SGPL1: variants seen among roughly 807,000 people sequenced by gnomAD.
The protein encoded by SGPL1 is sphingosine-1-phosphate lyase 1, also known as SP-lyase 1.
In SGPL1, 37 loss-of-function variants were observed where a neutral mutation model predicts 68.9. The observed-to-expected ratio is 0.54, with a 90% CI of 0.41 to 0.71. SGPL1 has a LOEUF of 0.71. SGPL1 is among the 30% of genes least tolerant of loss of function. The pLI is 0.00. For missense variants in SGPL1, 551 were observed against 704.6 expected (o/e 0.78, Z 2.47); for synonymous variants, 236 against 248.5 (o/e 0.95, Z 0.47).
intron 6 of SGPL1, among the ~76,000 whole-genome samples, chr10:70,858,907 A>C (rs1229464478): frequency 1.3e-5 from 2 of 152,284 alleles, no homozygotes; most frequent in Admixed American, 6.5e-5. Flanking sequence ...AGGGTCCCTT[A>C]GCACTCTGTA....
chr10:70,832,317 A>G (rs893041461), intron 2 of SGPL1, among the ~76,000 whole-genome samples: 1 of 152,158 alleles, frequency 6.6e-6, no homozygotes, highest in African/African-American at 2.4e-5. Flanking sequence ...CGTGTTGGAA[A>G]TCTCTAGAGA....
chr10:70,857,414 A>G (rs904336308), intron 5 of SGPL1, 200 bp from the exon 6 acceptor site: 10 of 502,054 alleles, frequency 2.0e-5, no homozygotes, highest in Non-Finnish European at 3.2e-5. Context: ...CATTGCTGAT[A>G]ATAATGATTT....
intron 2 of SGPL1, among the ~76,000 whole-genome samples, chr10:70,821,935 C>A (rs1178878775): frequency 6.6e-6 from 1 of 152,122 alleles, no homozygotes; most frequent in Non-Finnish European, 1.5e-5. Flanking sequence ...GAAATGCTGT[C>A]CTTTGCAACA....
chr10:70,851,463 C>G lies in SGPL1; in HGVS notation c.261+253C>G, dbSNP rs926101821. Among the ~76,000 whole-genome samples, 8 of 151,946 alleles carry G rather than the reference C, an allele frequency of 5.3e-5. No individual in the cohort carries two copies. In the East Asian group the frequency reaches 1.4e-3, roughly 26 times the overall value. ...TACAGTGTACAGGGCAGCCCCCCCCCACCCACCAAACACAGAATTATCTGG... is the reference window on the plus strand; with the variant it reads ...TACAGTGTACAGGGCAGCCCCCCCCGACCCACCAAACACAGAATTATCTGG... On this transcript the variant is annotated intron_variant, in intron 4 of 14. Transcript: ENST00000373202.
At chr10:70,849,724 G>A (rs977453908) in intron 3 of SGPL1, among the ~76,000 whole-genome samples, 11 of 152,318 alleles carry the variant, frequency 7.2e-5, no homozygotes, top group African/African-American at 2.6e-4. Flanking sequence ...AGGAAAGTGG[G>A]AATTTCCAGA....
At position 70,873,338 on chromosome 10, in the gene SGPL1, A is replaced by T. The variant is rs540445141; in HGVS notation, c.1060-13A>T. The T allele has an allele frequency of 3.5e-4, 554 of 1,594,768 alleles. No homozygotes were observed. In the Admixed American group the frequency reaches 4.9e-3, roughly 14 times the overall value. ...TATACTCTCACTTTTCTTGTCTGCT[A>T]CTTCTTCCACAGTATGGCTATGCCC... On this transcript the variant is annotated splice_polypyrimidine_tract_variant and intron_variant, in intron 11 of 14. Coordinates refer to ENST00000373202, the MANE Select transcript of SGPL1 (RefSeq NM_003901.4).
chr10:70,863,025 C>G (rs1397403008), intron 7 of SGPL1, among the ~76,000 whole-genome samples: 1 of 152,104 alleles, frequency 6.6e-6, no homozygotes, highest in African/African-American at 2.4e-5. Flanking sequence ...CACTCTGTTG[C>G]TCAGGCCAGA....
rs1014644688 is a variant in SGPL1 at position 70,877,257 on chromosome 10, A to C, written c.1629A>C (p.Ser543=). The C allele has an allele frequency of 6.2e-7, 1 of 1,613,868 alleles. No homozygotes were observed. The highest frequency in any genetic ancestry group is 8.5e-7 in the Non-Finnish European group (1 of 1,179,822). Reference sequence around the variant, plus strand: ...GGAATATGGTTGCAGAATTGTCCTCAGTCTTCTTGGACAGCTTGTACAGCA... The same window carrying C: ...GGAATATGGTTGCAGAATTGTCCTCCGTCTTCTTGGACAGCTTGTACAGCA... The part of the protein sequence containing the change: ...VDRNMVAELS[S]VFLDSLYSTD... Residue 543 remains serine (S), a synonymous_variant, in exon 15 of 15, where the codon TCA becomes TCC. Transcript: ENST00000373202.
intron 2 of SGPL1, among the ~76,000 whole-genome samples, chr10:70,823,852 C>A (rs1230678304): frequency 6.6e-6 from 1 of 151,848 alleles, no homozygotes; most frequent in Admixed American, 6.6e-5. Flanking sequence ...TCAGATTTTT[C>A]TTTTGGTAAA....
At position 70,827,276 on chromosome 10, in the gene SGPL1, G is replaced by A. The variant is rs148965520; in HGVS notation, c.27+10396G>A. ...ATTTCCTGATAACTGATGTGGTTAA[G>A]TACCCTTTTCAATGTTTACCAACCA... On this transcript the variant is annotated intron_variant, in intron 2 of 14. Transcript: ENST00000373202. Among the ~76,000 whole-genome samples, 12 of 152,272 alleles carry A rather than the reference G, an allele frequency of 7.9e-5. No individual in the cohort carries two copies. The East Asian group carries it at 1.9e-3, about 24-fold the overall frequency.
intron 7 of SGPL1, among the ~76,000 whole-genome samples, chr10:70,860,926 A>T (rs889436042): frequency 1.3e-5 from 2 of 152,080 alleles, no homozygotes; most frequent in Non-Finnish European, 2.9e-5. Flanking sequence ...ATTCAGATTG[A>T]TGTACAAATT....
chr10:70,856,216 G>C (rs990353029), intron 5 of SGPL1, among the ~76,000 whole-genome samples: 1 of 152,060 alleles, frequency 6.6e-6, no homozygotes, highest in African/African-American at 2.4e-5. Context: ...GGTTGGTCTC[G>C]AACTCCTGAA....
At chr10:70,850,136 T>C (rs1405727162) in intron 3 of SGPL1, among the ~76,000 whole-genome samples, 1 of 152,238 alleles carries the variant, frequency 6.6e-6, no homozygotes, top group Non-Finnish European at 1.5e-5. Context: ...ATTTGTTCTA[T>C]GTACTGCCTG....
chr10:70,824,181 C>T (rs1225949011), intron 2 of SGPL1, among the ~76,000 whole-genome samples: 1 of 152,170 alleles, frequency 6.6e-6, no homozygotes, highest in Non-Finnish European at 1.5e-5. Flanking sequence ...AGAAACCCTT[C>T]TTCACATGTC....
chr10:70,839,518 G>A (rs558861191), intron 2 of SGPL1, among the ~76,000 whole-genome samples: 20 of 152,144 alleles, frequency 1.3e-4, no homozygotes, highest in Middle Eastern at 3.4e-3. Flanking sequence ...CTTATTTTAT[G>A]ACTGTATTGT....
chr10:70,869,672 A>C (rs776160635), intron 8 of SGPL1, 120 bp from the exon 9 acceptor site: 55 of 776,916 alleles, frequency 7.1e-5, no homozygotes, highest in Middle Eastern at 2.5e-4. Context: ...CTAAACACTT[A>C]AATTTTTAAT....
intron 2 of SGPL1, among the ~76,000 whole-genome samples, chr10:70,841,230 C>T (rs1589455382): frequency 6.6e-6 from 1 of 152,034 alleles, no homozygotes; most frequent in East Asian, 1.9e-4. Flanking sequence ...TGGGGAATTG[C>T]AGATAAACTG....
rs1351189223 is a variant in SGPL1 at position 70,878,647 on chromosome 10, AG to A, written c.*1314del. Reference sequence around the variant, plus strand: ...ATGTAATGAAAATGTGTTTGCTTGAAGGAACAGCTCAAAGCACCTTCACAAG... The same window carrying A: ...ATGTAATGAAAATGTGTTTGCTTGAAGAACAGCTCAAAGCACCTTCACAAG... On this transcript the variant is annotated 3_prime_UTR_variant, in exon 15 of 15. Transcript: ENST00000373202. 4 of 152,326 alleles carry A rather than the reference AG, an allele frequency of 2.6e-5. No homozygotes were observed. In the East Asian group the frequency reaches 7.7e-4, roughly 29 times the overall value. 9.4% of individuals were successfully genotyped at this position (152,326 alleles called of 1,614,324 possible).
intron 3 of SGPL1, among the ~76,000 whole-genome samples, chr10:70,850,935 T>C (rs1350045947): frequency 6.6e-6 from 1 of 152,192 alleles, no homozygotes; most frequent in Non-Finnish European, 1.5e-5. Context: ...GTGTGTGTTA[T>C]GTGTTTGTAT....
Sources: allele counts gnomAD v4.1 joint callset (sites outside exome capture counted in the v4.1 genomes callset), GRCh38; gene constraint gnomAD v4.1.1; transcripts MANE v1.5; gene names NCBI Gene and HGNC (gene_info 2026-07-23, HGNC 2026-07-21).